Variants in CYP26B1 observed in about 807,000 individuals in gnomAD.
CYP26B1 encodes cytochrome P450 26B1.
A neutral mutation model predicts 39.1 loss-of-function variants in CYP26B1; 8 were observed. The observed-to-expected ratio is 0.20, with a 90% CI of 0.12 to 0.37. The LOEUF (loss-of-function observed/expected upper bound fraction) is 0.37, where lower values mean the gene tolerates loss of function less well. Among genes scored for constraint, CYP26B1 ranks in the 10% least tolerant of loss-of-function variants. The pLI is 1.00. For missense variants in CYP26B1, 615 were observed against 707.0 expected (o/e 0.87, Z 1.48); for synonymous variants, 321 against 314.3 (o/e 1.02, Z -0.23).
chr2:72,132,910 A>C, intron 5 of CYP26B1, 113 bp downstream of exon 5: 1 of 1,530,854 alleles, frequency 6.5e-7, no homozygotes, highest in Non-Finnish European at 8.9e-7. Context: ...GAAAGCAAGC[A>C]CTGTTTCCCC....
At chr2:72,141,777 C>T (rs533000050) in intron 2 of CYP26B1, among the ~76,000 whole-genome samples, 11 of 152,328 alleles carry the variant, frequency 7.2e-5, no homozygotes, top group Admixed American at 5.2e-4. Flanking sequence ...TACCTAGTTC[C>T]AGGACTTTCA....
rs749174580 is a variant in CYP26B1 at position 72,133,220 on chromosome 2, T to A, written c.949A>T (p.Thr317Ser). 1 of 1,612,332 alleles carries A rather than the reference T, an allele frequency of 6.2e-7. No individual in the cohort carries two copies. The highest frequency in any genetic ancestry group is 1.7e-5 in the Admixed American group (1 of 59,916). Residue 317 changes from threonine (T) to serine (S), a missense_variant, in exon 5 of 6, where the codon ACT becomes TCT. Transcript: ENST00000001146. ...TCATCCCGCAGCTTCTCCAGCACAG[T>A]GGGGTGCTTCAGCAGCTGCATGATG... ...SLIMQLLKHP[T>S]VLEKLRDELR...
Position 72,131,966 on chromosome 2 carries a change from G to A in CYP26B1, c.*261C>T, listed in dbSNP as rs376847318. ...CCTAACACTGTCACGGGCATGCAGAGCCCCTGCCACGCCCTTCCCAGGGGC... is the reference window on the plus strand; with the variant it reads ...CCTAACACTGTCACGGGCATGCAGAACCCCTGCCACGCCCTTCCCAGGGGC... On this transcript the variant is annotated 3_prime_UTR_variant, in exon 6 of 6. Coordinates refer to ENST00000001146, the MANE Select transcript of CYP26B1 (RefSeq NM_019885.4). 4.0e-4 allele frequency: 226 copies of A among 564,558 alleles called. 1 individual carries two copies. In the East Asian group the frequency reaches 5.7e-3, roughly 14 times the overall value. 35.0% of individuals were successfully genotyped at this position (564,558 alleles called of 1,614,324 possible).
At chr2:72,144,297 G>A (rs781401166) in intron 1 of CYP26B1, 84 bp from the exon 2 acceptor site, 2 of 1,537,996 alleles carry the variant, frequency 1.3e-6, no homozygotes, top group South Asian at 1.2e-5. Context: ...CCAACCCGGG[G>A]TACAGTCACC....
intron 4 of CYP26B1, among the ~76,000 whole-genome samples, 155 bp downstream of exon 4, chr2:72,134,606 G>A (rs780496156): frequency 6.6e-6 from 1 of 152,198 alleles, no homozygotes; most frequent in African/African-American, 2.4e-5. Flanking sequence ...CACAGACTTC[G>A]CTTCCAGTTT....
intron 1 of CYP26B1, among the ~76,000 whole-genome samples, chr2:72,145,866 T>G (rs972984956): frequency 2.6e-5 from 4 of 152,230 alleles, no homozygotes; most frequent in Non-Finnish European, 4.4e-5. Context: ...ATGTTGTATT[T>G]TTAGCCCTGG....
intron 2 of CYP26B1, among the ~76,000 whole-genome samples, chr2:72,140,953 C>T (rs1409284345): frequency 6.6e-6 from 1 of 152,210 alleles, no homozygotes; most frequent in Non-Finnish European, 1.5e-5. Context: ...TCTGGGGTGC[C>T]CTGAGCTGCT....
At chr2:72,139,677 A>T (rs1184087887) in intron 2 of CYP26B1, among the ~76,000 whole-genome samples, 2 of 152,220 alleles carry the variant, frequency 1.3e-5, no homozygotes, top group African/African-American at 4.8e-5. Context: ...GAGCCACAGT[A>T]TCTGAGATTT....
intron 1 of CYP26B1, among the ~76,000 whole-genome samples, chr2:72,146,071 C>T (rs1214631588): frequency 2.0e-5 from 3 of 152,132 alleles, no homozygotes; most frequent in Non-Finnish European, 4.4e-5. Context: ...GATGGGGAGG[C>T]TTAGGTTTCC....
chr2:72,140,103 T>A (rs1037215783), intron 2 of CYP26B1, among the ~76,000 whole-genome samples: 2 of 152,090 alleles, frequency 1.3e-5, no homozygotes, highest in African/African-American at 4.8e-5. Flanking sequence ...CAAGGCCACC[T>A]TCATCTTCCA....
intron 2 of CYP26B1, among the ~76,000 whole-genome samples, chr2:72,136,624 G>A (rs1245031765): frequency 6.6e-6 from 1 of 152,256 alleles, no homozygotes; most frequent in African/African-American, 2.4e-5. Flanking sequence ...CAAAGGGACA[G>A]CTGAGAGGTA....
intron 4 of CYP26B1, 28 bp downstream of exon 4, chr2:72,134,733 G>C: frequency 4.4e-6 from 7 of 1,601,694 alleles, no homozygotes; most frequent in Non-Finnish European, 6.0e-6. Flanking sequence ...TGCTGGTGCT[G>C]CCCGTGAGGG....
At chr2:72,137,026 G>A (rs1024534807) in intron 2 of CYP26B1, among the ~76,000 whole-genome samples, 2 of 152,226 alleles carry the variant, frequency 1.3e-5, no homozygotes, top group Admixed American at 6.5e-5. Context: ...TGGCGGGACA[G>A]GGATGCCAGA....
In CYP26B1 at chr2:72,132,544, C is replaced by G; in HGVS notation, c.1222G>C (p.Asp408His). The G allele has an allele frequency of 6.2e-7, 1 of 1,609,438 alleles. No homozygotes were observed. Among genetic ancestry groups the G allele is most frequent in the Non-Finnish European group, 8.5e-7 (1 of 1,176,726 alleles). ...DTHDTAPVFK[D>H]VNVFDPDRFS... Reference sequence around the variant, plus strand: ...CGATCGGGGTCGAACACGTTCACGTCTTTGAACACGGGCGCTGTGTCATGG... The same window carrying G: ...CGATCGGGGTCGAACACGTTCACGTGTTTGAACACGGGCGCTGTGTCATGG... The change falls in exon 6 of 6, where the codon GAC (aspartate) becomes CAC (histidine). Residue 408 changes from aspartate (D) to histidine (H), a missense_variant. Asp to His is a moderately conservative substitution (Grantham distance 81, BLOSUM62 -1). Transcript: ENST00000001146.
intron 2 of CYP26B1, among the ~76,000 whole-genome samples, chr2:72,138,518 G>A (rs763719512): frequency 1.2e-4 from 18 of 152,322 alleles, no homozygotes; most frequent in Admixed American, 6.5e-5. Flanking sequence ...CAGGAGCCAC[G>A]ACTGCTTTGT....
chr2:72,139,137 C>T (rs1676866213), intron 2 of CYP26B1, among the ~76,000 whole-genome samples: 1 of 152,102 alleles, frequency 6.6e-6, no homozygotes, highest in African/African-American at 2.4e-5. Context: ...AGTGGGGACC[C>T]ACTGCCCAGG....
At position 72,132,483 on chromosome 2, in the gene CYP26B1, C is replaced by T. The variant is rs758398183; in HGVS notation, c.1283G>A (p.Arg428His). The T allele has an allele frequency of 2.3e-5, 37 of 1,612,924 alleles. No homozygotes were observed. Among genetic ancestry groups the T allele is most frequent in the East Asian group, 1.1e-4 (5 of 44,858 alleles). Reference protein sequence around the residue: ...SQARSEDKDGRFHYLPFGGGV... With the variant: ...SQARSEDKDGHFHYLPFGGGV... The stretch of plus-strand genomic sequence containing the variant: ...GCCACCGAACGGGAGGTAATGGAAG[C>T]GGCCATCCTTGTCCTCGCTCCGCGC... The change falls in exon 6 of 6, where the codon CGC (arginine) becomes CAC (histidine). Residue 428 changes from arginine to histidine, a missense_variant. Transcript: ENST00000001146.
At chr2:72,143,595 T>C (rs561028280) in intron 2 of CYP26B1, among the ~76,000 whole-genome samples, 20 of 152,320 alleles carry the variant, frequency 1.3e-4, no homozygotes, top group African/African-American at 4.6e-4. Context: ...CAGCTTTGAT[T>C]TTAGAATGAT....
rs1374429083 is a variant in CYP26B1 at position 72,146,914 on chromosome 2, CA to C, written c.204+716del. ...GGTTGTGCGGCATCTAACAAGCACA[CA>C]CGCACTCTCTCTCTATGGATCCCAC... On this transcript the variant is annotated intron_variant, in intron 1 of 5. Coordinates refer to ENST00000001146, the MANE Select transcript of CYP26B1 (RefSeq NM_019885.4). 5.3e-5 allele frequency among the ~76,000 whole-genome samples: 8 copies of C among 152,180 alleles called. No homozygotes were observed. In the East Asian group the frequency reaches 1.5e-3, roughly 29 times the overall value.
Sources: gnomAD v4.1 joint callset for allele counts (sites outside exome capture counted in the v4.1 genomes callset) on GRCh38, gnomAD v4.1.1 for gene constraint, MANE v1.5 for transcripts, NCBI Gene and HGNC (gene_info 2026-07-23, HGNC 2026-07-21) for gene names.